Variants in GRM8 observed in about 807,000 individuals in gnomAD.
GRM8 encodes glutamate metabotropic receptor 8.
GRM8 carries 47 observed loss-of-function variants against 87.2 expected under a neutral mutation model. That is an observed-to-expected ratio of 0.54 (90% CI 0.43 to 0.69). GRM8 has a LOEUF of 0.69. GRM8 is among the 30% of genes least tolerant of loss of function. GRM8 has a pLI of 0.00. For synonymous variants in GRM8, 396 were observed against 404.5 expected (o/e 0.98, Z 0.25); for missense variants, 1,019 against 1,139.2 (o/e 0.89, Z 1.52).
In GRM8 at chr7:127,010,561, TTCCCA is replaced by T. The variant is rs1445066455; in HGVS notation, c.727+95930_727+95934del. 2.6e-5 allele frequency among the ~76,000 whole-genome samples: 4 copies of T among 152,276 alleles called. No individual in the cohort carries two copies. The East Asian group carries it at 5.8e-4, about 22-fold the overall frequency. ...TTTGAACAAATTAATTTCAATCCTT[TTCCCA>T]GTATTTGCATAATATCATGTTTAAT... On this transcript the variant is annotated intron_variant, in intron 3 of 10. Transcript: ENST00000339582.
chr7:126,600,980 T>C (rs1219567796), intron 8 of GRM8, among the ~76,000 whole-genome samples: 1 of 152,004 alleles, frequency 6.6e-6, no homozygotes, highest in Non-Finnish European at 1.5e-5. Context: ...GTGCACATTG[T>C]GCAGGTTAGT....
At chr7:127,170,350 G>A (rs1793717734) in intron 2 of GRM8, among the ~76,000 whole-genome samples, 1 of 152,158 alleles carries the variant, frequency 6.6e-6, no homozygotes, top group Non-Finnish European at 1.5e-5. Context: ...ATAGATGTTG[G>A]CATGGATGTG....
chr7:127,148,592 A>T (rs1828675437), intron 2 of GRM8, among the ~76,000 whole-genome samples: 1 of 151,988 alleles, frequency 6.6e-6, no homozygotes, highest in Non-Finnish European at 1.5e-5. Context: ...AAACAATCTT[A>T]ACAAATTTAA....
At chr7:126,663,245 C>G (rs1306336028) in intron 7 of GRM8, among the ~76,000 whole-genome samples, 2 of 152,160 alleles carry the variant, frequency 1.3e-5, no homozygotes, top group Non-Finnish European at 2.9e-5. Context: ...CCTACTGACG[C>G]TATTCCAAAA....
chr7:126,556,018 ACC>A (rs140770718), intron 8 of GRM8, among the ~76,000 whole-genome samples: 3,356 of 152,222 alleles, frequency 0.022, 110 homozygotes, highest in African/African-American at 0.077. Flanking sequence ...ACTCTGAAAA[ACC>A]AAAAGCAGCT....
chr7:126,661,864 C>T (rs1357185172), intron 7 of GRM8, among the ~76,000 whole-genome samples: 3 of 150,698 alleles, frequency 2.0e-5, no homozygotes, highest in African/African-American at 7.4e-5. Flanking sequence ...ATCAATATGC[C>T]ACTTTAATAT....
chr7:126,688,403 A>G (rs935377086), intron 7 of GRM8, among the ~76,000 whole-genome samples: 3 of 152,200 alleles, frequency 2.0e-5, no homozygotes, highest in Non-Finnish European at 4.4e-5. Flanking sequence ...TCTTGACTAG[A>G]GAAATTTTTC....
At chr7:126,593,335 T>C (rs541753342) in intron 8 of GRM8, among the ~76,000 whole-genome samples, 8 of 152,108 alleles carry the variant, frequency 5.3e-5, no homozygotes, top group Non-Finnish European at 7.4e-5. Flanking sequence ...AGCTGCATCA[T>C]GTTACCTAAC....
chr7:127,018,511 G>A (rs1237555605), intron 3 of GRM8, among the ~76,000 whole-genome samples: 1 of 151,576 alleles, frequency 6.6e-6, no homozygotes, highest in African/African-American at 2.4e-5. Flanking sequence ...TTGGGTCAGG[G>A]TGGACACTGC....
intron 7 of GRM8, among the ~76,000 whole-genome samples, chr7:126,687,820 G>C (rs1470292823): frequency 6.6e-6 from 1 of 151,178 alleles, no homozygotes; most frequent in Non-Finnish European, 1.5e-5. Context: ...TCTTTAACTT[G>C]CATTTCCTAG....
At chr7:126,663,017 A>G (rs1395978123) in intron 7 of GRM8, among the ~76,000 whole-genome samples, 1 of 152,222 alleles carries the variant, frequency 6.6e-6, no homozygotes, top group Admixed American at 6.5e-5. Context: ...CTTATGGGCG[A>G]CCACATGTCC....
intron 6 of GRM8, among the ~76,000 whole-genome samples, chr7:126,876,243 T>C (rs1026635781): frequency 6.6e-6 from 1 of 152,200 alleles, no homozygotes; most frequent in Non-Finnish European, 1.5e-5. Context: ...TCTTGTGGCC[T>C]AGTATCTGAA....
intron 3 of GRM8, among the ~76,000 whole-genome samples, chr7:127,079,464 C>T (rs1822627891): frequency 6.6e-6 from 1 of 152,212 alleles, no homozygotes. Context: ...TTGATGCCTT[C>T]TAAGGATAGA....
chr7:126,439,679 T>C (rs987850413), intron 10 of GRM8, among the ~76,000 whole-genome samples: 17 of 152,204 alleles, frequency 1.1e-4, no homozygotes, highest in African/African-American at 4.1e-4. Flanking sequence ...CTCAGGCAGG[T>C]CCTCCAGGGG....
At chr7:127,188,295 T>C (rs1036775144) in intron 2 of GRM8, among the ~76,000 whole-genome samples, 2 of 152,208 alleles carry the variant, frequency 1.3e-5, no homozygotes, top group Non-Finnish European at 2.9e-5. Flanking sequence ...TGGTTCTAAA[T>C]GATTATGCCT....
chr7:127,127,953 C>T (rs1457253006), intron 2 of GRM8, among the ~76,000 whole-genome samples: 1 of 152,018 alleles, frequency 6.6e-6, no homozygotes, highest in African/African-American at 2.4e-5. Flanking sequence ...ATTCTGTTTA[C>T]CTTCAAAATA....
chr7:127,139,107 A>G (rs976438315), intron 2 of GRM8, among the ~76,000 whole-genome samples: 2 of 152,120 alleles, frequency 1.3e-5, no homozygotes, highest in African/African-American at 2.4e-5. Context: ...CACAAATTCT[A>G]ACTACTTTGT....
chr7:127,236,028 C>G (rs180818494), intron 2 of GRM8, among the ~76,000 whole-genome samples: 58 of 151,088 alleles, frequency 3.8e-4, no homozygotes, highest in South Asian at 1.0e-3. Flanking sequence ...GCTTATTTTA[C>G]TTTATTTTTG....
chr7:126,805,870 C>A (rs1051727190), intron 6 of GRM8, among the ~76,000 whole-genome samples: 7 of 152,160 alleles, frequency 4.6e-5, no homozygotes, highest in African/African-American at 7.2e-5. Flanking sequence ...ATAGTTTGAG[C>A]TGGTCTCACA....
Sources: gnomAD v4.1 joint callset for allele counts (sites outside exome capture counted in the v4.1 genomes callset) on GRCh38, gnomAD v4.1.1 for gene constraint, MANE v1.5 for transcripts, NCBI Gene and HGNC (gene_info 2026-07-23, HGNC 2026-07-21) for gene names.